The following ZNF536 variants were observed in gnomAD, a reference collection of about 807,000 sequenced individuals.
The protein encoded by ZNF536 is zinc finger protein 536.
ZNF536 carries 13 observed loss-of-function variants against 84.5 expected under a neutral mutation model. The ratio of observed to expected loss-of-function variants is 0.15; its 90% CI spans 0.10 to 0.24. ZNF536 has a LOEUF of 0.24. Ranked by LOEUF, ZNF536 falls within the 10% of genes least tolerant of loss-of-function variation. ZNF536 has a pLI of 1.00. For synonymous variants in ZNF536, 811 were observed against 742.5 expected, an observed-to-expected ratio of 1.09 and a Z score of -1.50; for missense variants, 1,536 against 1,747.5, an observed-to-expected ratio of 0.88 and a Z score of 2.16.
chr19:30,227,086 T>G (rs2022655041), upstream of ZNF536, among the ~76,000 whole-genome samples: 1 of 151,940 alleles, frequency 6.6e-6, no homozygotes, highest in African/African-American at 2.4e-5. Context: ...GCAAATAATT[T>G]AAAATATAGA....
chr19:30,367,749 C>T (rs1006579544), upstream of ZNF536, among the ~76,000 whole-genome samples: 8 of 152,138 alleles, frequency 5.3e-5, no homozygotes, highest in South Asian at 4.1e-4. Context: ...GAGGGGCGAG[C>T]GCTCTCTGAT....
chr19:30,404,579 C>CA (rs2050188597), intron 1 of ZNF536, among the ~76,000 whole-genome samples: 1 of 152,166 alleles, frequency 6.6e-6, no homozygotes. Flanking sequence ...TATGTGAAGG[C>CA]ACTTAGAACA....
chr19:30,604,094 T>TA (rs1010760353), intron 1 of ZNF536, among the ~76,000 whole-genome samples: 3 of 150,916 alleles, frequency 2.0e-5, no homozygotes, highest in African/African-American at 4.9e-5. Context: ...CATCTTAATT[T>TA]AAAAAAAAAG....
intron 2 of ZNF536, among the ~76,000 whole-genome samples, chr19:30,515,759 CT>C (rs1271063737): frequency 2.0e-5 from 3 of 152,048 alleles, no homozygotes; most frequent in Non-Finnish European, 4.4e-5. Context: ...TGGCTCACCC[CT>C]ATAATCTATA....
chr19:30,696,381 C>A (rs1392707093), intron 1 of ZNF536, among the ~76,000 whole-genome samples: 2 of 152,212 alleles, frequency 1.3e-5, no homozygotes, highest in Non-Finnish European at 2.9e-5. Context: ...CACCCAGAGA[C>A]AAACTCTGGG....
At chr19:30,496,295 C>T (rs2054716170) in intron 2 of ZNF536, among the ~76,000 whole-genome samples, 1 of 152,170 alleles carries the variant, frequency 6.6e-6, no homozygotes, top group Non-Finnish European at 1.5e-5. Context: ...CCACCCATCT[C>T]TTAACACTCA....
At chr19:30,701,282 C>T (rs1344478533) in intron 1 of ZNF536, among the ~76,000 whole-genome samples, 1 of 151,088 alleles carries the variant, frequency 6.6e-6, no homozygotes, top group Non-Finnish European at 1.5e-5. Flanking sequence ...CAGACGCATA[C>T]AAACACAAAC....
At chr19:30,614,812 TA>T (rs989633719) in intron 1 of ZNF536, among the ~76,000 whole-genome samples, 1 of 151,598 alleles carries the variant, frequency 6.6e-6, no homozygotes, top group Non-Finnish European at 1.5e-5. Context: ...TGATTTTGTT[TA>T]TTTTTTTATC....
At chr19:30,563,011 G>A (rs150722354), downstream of ZNF536, among the ~76,000 whole-genome samples, 457 of 152,294 alleles carry the variant, frequency 3.0e-3, 3 homozygotes, top group African/African-American at 0.011. Context: ...TGAGGCACTC[G>A]TGTATCCCTT....
At chr19:30,329,423 A>ATTCTACAGAATATCTG (rs1423319602) in intron 2 of ZNF536, among the ~76,000 whole-genome samples, 6 of 152,318 alleles carry the variant, frequency 3.9e-5, no homozygotes, top group Admixed American at 2.6e-4. Flanking sequence ...GGAGGAATCT[A>ATTCTACAGAATATCTG]TTCTACAGAA....
At chr19:30,365,292 T>C (rs1486160477) in intron 3 of ZNF536, among the ~76,000 whole-genome samples, 2 of 152,130 alleles carry the variant, frequency 1.3e-5, no homozygotes, top group African/African-American at 2.4e-5. Context: ...ATCTTTTTCC[T>C]CCTGTCCCTG....
intron 2 of ZNF536, among the ~76,000 whole-genome samples, chr19:30,305,968 C>T (rs180922689): frequency 6.6e-6 from 1 of 152,330 alleles, no homozygotes; most frequent in Non-Finnish European, 1.5e-5. Context: ...AGGGTCACAT[C>T]GGTTTTTTTC....
At chr19:30,453,213 G>T (rs1234837387) in intron 2 of ZNF536, among the ~76,000 whole-genome samples, 1 of 152,170 alleles carries the variant, frequency 6.6e-6, no homozygotes, top group Non-Finnish European at 1.5e-5. Flanking sequence ...CAGGACTTGG[G>T]CAGAGCTGTG....
At chr19:30,559,330 C>T (rs1269324235), downstream of ZNF536, among the ~76,000 whole-genome samples, 1 of 152,226 alleles carries the variant, frequency 6.6e-6, no homozygotes, top group East Asian at 1.9e-4. Flanking sequence ...CCTCCAGGCC[C>T]CAGGTCTGTG....
intron 1 of ZNF536, among the ~76,000 whole-genome samples, chr19:30,600,418 A>T (rs1265200228): frequency 2.0e-4 from 30 of 152,256 alleles, no homozygotes; most frequent in Non-Finnish European, 4.4e-5. Context: ...CTTAATTTTT[A>T]AAAGCTACAA....
At chr19:30,456,763 C>G (rs770470656) in intron 2 of ZNF536, among the ~76,000 whole-genome samples, 1 of 152,172 alleles carries the variant, frequency 6.6e-6, no homozygotes, top group Admixed American at 6.5e-5. Context: ...GAGTAGAGGC[C>G]GGGCACGGTG....
intron 2 of ZNF536, among the ~76,000 whole-genome samples, chr19:30,463,724 A>G (rs1041450380): frequency 2.6e-5 from 4 of 152,084 alleles, no homozygotes; most frequent in Non-Finnish European, 5.9e-5. Context: ...TCCTGTAAGA[A>G]CCTAAATTTA....
At chr19:30,607,573 T>A (rs911678834) in intron 1 of ZNF536, among the ~76,000 whole-genome samples, 2 of 151,642 alleles carry the variant, frequency 1.3e-5, no homozygotes, top group Non-Finnish European at 2.9e-5. Context: ...TACAGAAAAA[T>A]TAGCTGGACG....
At chr19:30,249,586 G>C (rs117257186) in intron 1 of ZNF536, among the ~76,000 whole-genome samples, 103 of 152,306 alleles carry the variant, frequency 6.8e-4, no homozygotes, top group Non-Finnish European at 1.1e-3. Context: ...CTGGGAGTTC[G>C]AGGCTTCAGT....
Sources: gnomAD v4.1 joint callset for allele counts (sites outside exome capture counted in the v4.1 genomes callset) on GRCh38, gnomAD v4.1.1 for gene constraint, MANE v1.5 for transcripts, NCBI Gene and HGNC (gene_info 2026-07-23, HGNC 2026-07-21) for gene names.